The following ZFHX3 variants were observed in gnomAD, a reference collection of about 807,000 sequenced individuals.
ZFHX3 encodes the protein zinc finger homeobox protein 3.
ZFHX3 carries 42 observed loss-of-function variants against 279.1 expected under a neutral mutation model. The ratio of observed to expected loss-of-function variants is 0.15; its 90% CI spans 0.12 to 0.19. The LOEUF is 0.19. Among genes scored for constraint, ZFHX3 ranks in the 10% least tolerant of loss-of-function variants. ZFHX3 has a pLI of 1.00. For synonymous variants in ZFHX3, 2,293 were observed against 1,957.8 expected (o/e 1.17, Z -4.52); for missense variants, 4,981 against 4,754.0 (o/e 1.05, Z -1.40).
intron 4 of ZFHX3, among the ~76,000 whole-genome samples, chr16:73,274,952 C>T (rs1161742640): frequency 6.6e-6 from 1 of 152,222 alleles, no homozygotes; most frequent in Non-Finnish European, 1.5e-5. Flanking sequence ...GCTATGTCCA[C>T]AGGCAGTAAG....
intron 2 of ZFHX3, among the ~76,000 whole-genome samples, chr16:73,631,120 G>A (rs2052464583): frequency 6.6e-6 from 1 of 152,132 alleles, no homozygotes. Flanking sequence ...GAGTTGTTGA[G>A]GACACCAAAG....
At chr16:73,419,798 T>C (rs1166468712) in intron 3 of ZFHX3, among the ~76,000 whole-genome samples, 1 of 152,104 alleles carries the variant, frequency 6.6e-6, no homozygotes, top group Non-Finnish European at 1.5e-5. Flanking sequence ...TCCTTGTCCA[T>C]AAGGGTGTTG....
chr16:72,963,799 T>C (rs953397626), intron 1 of ZFHX3, among the ~76,000 whole-genome samples: 1 of 151,986 alleles, frequency 6.6e-6, no homozygotes, highest in Non-Finnish European at 1.5e-5. Context: ...GGGGTGCAGT[T>C]ATGACGAAGG....
intron 2 of ZFHX3, among the ~76,000 whole-genome samples, chr16:73,504,072 A>G (rs541260100): frequency 2.4e-4 from 36 of 152,284 alleles, no homozygotes; most frequent in Non-Finnish European, 1.9e-4. Flanking sequence ...TAATAAGTAA[A>G]CAGAAATGGA....
intron 5 of ZFHX3, 64 bp from the exon 6 acceptor site, chr16:72,812,102 GTTGGGTGAAAATCAACAT>G (rs2036473029): frequency 2.6e-6 from 4 of 1,559,420 alleles, no homozygotes; most frequent in Non-Finnish European, 2.6e-6. Flanking sequence ...GAGGGTTTGT[GTTGGGTGAAAATCAACAT>G]TCATTTATAG....
chr16:73,245,469 C>T (rs2013253092), intron 5 of ZFHX3, among the ~76,000 whole-genome samples: 1 of 152,118 alleles, frequency 6.6e-6, no homozygotes, highest in Non-Finnish European at 1.5e-5. Context: ...GTCAGGCAAA[C>T]AGCAGACACT....
At chr16:73,569,982 C>T (rs2051717454) in intron 2 of ZFHX3, among the ~76,000 whole-genome samples, 1 of 152,150 alleles carries the variant, frequency 6.6e-6, no homozygotes, top group Admixed American at 6.5e-5. Context: ...AATAGGCTGC[C>T]GAGGCAGTTT....
At chr16:73,617,166 C>T (rs1404494049) in intron 2 of ZFHX3, among the ~76,000 whole-genome samples, 1 of 152,164 alleles carries the variant, frequency 6.6e-6, no homozygotes, top group African/African-American at 2.4e-5. Context: ...TTGAAAGGTA[C>T]AGAAGTCCTG....
rs757792426 is a variant in ZFHX3, at chr16:72,889,749, A to G, written c.3430T>C (p.Cys1144Arg). 6.2e-6 allele frequency: 10 copies of G among 1,612,378 alleles called. No individual in the cohort carries two copies. Among genetic ancestry groups the G allele is most frequent in the Non-Finnish European group, 8.5e-6 (10 of 1,179,964 alleles). Reference sequence around the variant, plus strand: ...CACTCACCTGGGTCCGTGGAGGGGCACCTGCGGATGGTGAAGATCTGCCCC... The same window carrying G: ...CACTCACCTGGGTCCGTGGAGGGGCGCCTGCGGATGGTGAAGATCTGCCCC... The part of the protein sequence containing the change: ...DLGQIFTIRR[C>R]PSTDPEEAIE... The change falls in exon 4 of 10, where the codon TGC becomes CGC. Residue 1144 changes from cysteine to arginine, a missense_variant. Coordinates refer to ENST00000268489, the MANE Select transcript of ZFHX3 (RefSeq NM_006885.4).
intron 5 of ZFHX3, among the ~76,000 whole-genome samples, chr16:73,238,105 C>G (rs573672744): frequency 2.0e-5 from 3 of 152,220 alleles, no homozygotes; most frequent in African/African-American, 7.2e-5. Flanking sequence ...TGGCATCATT[C>G]TATTCCTTCT....
At chr16:73,774,145 A>C (rs2054050873) in intron 1 of ZFHX3, among the ~76,000 whole-genome samples, 1 of 152,122 alleles carries the variant, frequency 6.6e-6, no homozygotes, top group Non-Finnish European at 1.5e-5. Context: ...AAAAAAAGTT[A>C]AAAAGATACT....
intron 3 of ZFHX3, among the ~76,000 whole-genome samples, chr16:73,399,696 T>C (rs1184564551): frequency 1.3e-5 from 2 of 152,126 alleles, no homozygotes; most frequent in Non-Finnish European, 2.9e-5. Flanking sequence ...CTGTTTTGTC[T>C]CCATGCTGGG....
chr16:73,203,358 A>C (rs2144901691), intron 5 of ZFHX3, among the ~76,000 whole-genome samples: 1 of 152,312 alleles, frequency 6.6e-6, no homozygotes, highest in East Asian at 1.9e-4. Context: ...TGGCCCATCC[A>C]GTCCTCTTGT....
At chr16:73,867,077 G>A (rs1203346423) in intron 1 of ZFHX3, among the ~76,000 whole-genome samples, 1 of 152,088 alleles carries the variant, frequency 6.6e-6, no homozygotes, top group South Asian at 2.1e-4. Context: ...AGACCTTGGA[G>A]AGAGGCTGTA....
intron 7 of ZFHX3, among the ~76,000 whole-genome samples, chr16:73,114,924 T>C (rs1966414234): frequency 6.6e-6 from 1 of 152,020 alleles, no homozygotes; most frequent in Admixed American, 6.5e-5. Flanking sequence ...TCCCAAGCTG[T>C]AGGGACTACA....
chr16:73,847,777 G>T (rs1961485476), intron 1 of ZFHX3, among the ~76,000 whole-genome samples: 1 of 151,928 alleles, frequency 6.6e-6, no homozygotes, highest in African/African-American at 2.4e-5. Context: ...TCCCTCTATT[G>T]CCCAGGGTGG....
At chr16:73,582,556 G>A (rs552088511) in intron 2 of ZFHX3, among the ~76,000 whole-genome samples, 1 of 151,904 alleles carries the variant, frequency 6.6e-6, no homozygotes, top group African/African-American at 2.4e-5. Flanking sequence ...CTCACCACAA[G>A]CTCCACCTCC....
At chr16:73,218,074 C>A (rs568025596) in intron 5 of ZFHX3, among the ~76,000 whole-genome samples, 2 of 152,106 alleles carry the variant, frequency 1.3e-5, no homozygotes, top group African/African-American at 4.8e-5. Context: ...CCAAACCTAA[C>A]GGGCCTTCAG....
At chr16:73,546,483 G>T (rs373586230) in intron 2 of ZFHX3, among the ~76,000 whole-genome samples, 2 of 109,320 alleles carry the variant, frequency 1.8e-5, no homozygotes, top group East Asian at 3.1e-4. Flanking sequence ...GTTTTGTTTT[G>T]TTTTCTTTTT....
Sources: allele counts gnomAD v4.1 joint callset (sites outside exome capture counted in the v4.1 genomes callset), GRCh38; gene constraint gnomAD v4.1.1; transcripts MANE v1.5; gene names NCBI Gene and HGNC (gene_info 2026-07-23, HGNC 2026-07-21).